PHRF1: variants seen among roughly 807,000 people sequenced by gnomAD.
PHRF1 encodes PHD and RING finger domain-containing protein 1.
A neutral mutation model predicts 128.9 loss-of-function variants in PHRF1; 53 were observed. The ratio of observed to expected loss-of-function variants is 0.41; its 90% CI spans 0.33 to 0.52. The LOEUF (loss-of-function observed/expected upper bound fraction) is 0.52, where lower values mean the gene tolerates loss of function less well. Ranked by LOEUF, PHRF1 falls within the 20% of genes least tolerant of loss-of-function variation. The probability of loss-of-function intolerance (pLI) is 0.21; values close to 1 mark genes in which losing one functional copy is unlikely to be tolerated. For missense variants in PHRF1, 2,503 were observed against 2,284.5 expected (o/e 1.10, Z -1.95); for synonymous variants, 1,178 against 980.6 (o/e 1.20, Z -3.76).
At position 610,310 on chromosome 11, in the gene PHRF1, T is replaced by C. The variant is rs1242726351; in HGVS notation, c.4379T>C (p.Leu1460Pro). 6.4e-7 allele frequency: 1 copy of C among 1,565,724 alleles called. No individual in the cohort carries two copies. Among genetic ancestry groups the C allele is most frequent in the Admixed American group, 1.9e-5 (1 of 53,684 alleles). Residue 1460 changes from leucine to proline, a missense_variant, in exon 15 of 18, where the codon CTT becomes CCT. Physicochemically the swap from Leu to Pro is moderately conservative, Grantham distance 98. Coordinates refer to ENST00000264555, the MANE Select transcript of PHRF1 (RefSeq NM_001286581.2). ...GAGCTGCCCTTTCCCAGTCACGTGC[T>C]TCCGGAACCCGGGTTCCCAGACACA... The part of the protein sequence containing the change: ...FSELPFPSHV[L>P]PEPGFPDTDP...
rs1855344298 is a variant in PHRF1 at position 597,293 on chromosome 11, C to T, written c.719-102C>T. The T allele has an allele frequency of 7.0e-7, 1 of 1,438,660 alleles. No homozygotes were observed. The highest frequency in any genetic ancestry group is 9.4e-7 in the Non-Finnish European group (1 of 1,065,544). The allele number at this position is 1,438,660 out of a possible 1,614,324, so 89.1% of individuals were successfully genotyped here. On this transcript the variant is annotated intron_variant, in intron 7 of 17. Transcript: ENST00000264555. This position sits in a 1 kb window ranked among gnomAD's most constrained non-coding sequence, Gnocchi z 6.5. ...GCCCTGGGTCCTGTGCACAGGTCAG[C>T]CCGAGCCAGGGCTGCTACTTGGCCG...
At position 607,565 on chromosome 11, in the gene PHRF1, C is replaced by G. The variant is rs765678910; in HGVS notation, c.2109C>G (p.Ser703Arg). 6.2e-7 allele frequency: 1 copy of G among 1,612,252 alleles called. No homozygotes were observed. The highest frequency in any genetic ancestry group is 8.5e-7 in the Non-Finnish European group (1 of 1,179,824). ...RRDAAPAHGQ[S>R]IEIPSACISR... ...ATGCGGCCCCGGCCCACGGGCAGAG[C>G]ATTGAGATCCCCAGTGCCTGCATCA... is the stretch of plus-strand genomic sequence containing the variant. Residue 703 changes from serine (S) to arginine (R), a missense_variant, in exon 14 of 18, where the codon AGC (serine) becomes AGG (arginine). Transcript: ENST00000264555.
chr11:598,467 C>A lies in PHRF1; in HGVS notation c.989C>A (p.Thr330Lys). 6.2e-7 allele frequency: 1 copy of A among 1,610,456 alleles called. No homozygotes were observed. Among genetic ancestry groups the A allele is most frequent in the Non-Finnish European group, 8.5e-7 (1 of 1,179,636 alleles). ...ACTGCCGTGTATCAGCGCCCCCTGA[C>A]GCCGCGCACTCCCGCCCGACGGAAG... ...LSTAVYQRPL[T>K]PRTPARRKRK... The change falls in exon 9 of 18, where the codon ACG becomes AAG. Residue 330 changes from threonine to lysine, a missense_variant. Coordinates refer to ENST00000264555, the MANE Select transcript of PHRF1 (RefSeq NM_001286581.2).
intron 13 of PHRF1, 105 bp from the exon 14 acceptor site, chr11:606,961 T>C (rs941437215): frequency 6.0e-6 from 9 of 1,491,228 alleles, no homozygotes; most frequent in Non-Finnish European, 7.1e-6. Flanking sequence ...GACAGGAGTT[T>C]AAAGCGCACG....
At chr11:591,140 G>A (rs991490742) in intron 4 of PHRF1, among the ~76,000 whole-genome samples, 1 of 152,148 alleles carries the variant, frequency 6.6e-6, no homozygotes, top group African/African-American at 2.4e-5. Context: ...TCCCTTTATT[G>A]TTCTTACTTG....
intron 3 of PHRF1, among the ~76,000 whole-genome samples, chr11:585,680 CTTTT>C (rs1212904400): frequency 9.9e-5 from 7 of 70,354 alleles, no homozygotes; most frequent in Admixed American, 2.9e-4. Context: ...CTCTTCAACT[CTTTT>C]TTTTTTTTTT....
chr11:592,790 T>C (rs577119584), intron 6 of PHRF1, 116 bp downstream of exon 6: 6 of 1,132,016 alleles, frequency 5.3e-6, no homozygotes, highest in East Asian at 4.8e-5. Context: ...CCTGGAGCTG[T>C]GCTCACCACC....
rs202085724 is a variant in PHRF1, at chr11:610,664, C to T, written c.4580C>T (p.Pro1527Leu). 1.2e-6 allele frequency: 2 copies of T among 1,604,090 alleles called. No individual in the cohort carries two copies. The highest frequency in any genetic ancestry group is 2.2e-5 in the East Asian group (1 of 44,878). The change falls in exon 16 of 18, where the codon CCA becomes CTA. Residue 1527 changes from proline to leucine, a missense_variant. Physicochemically the swap from Pro to Leu is moderately conservative, Grantham distance 98. Coordinates refer to ENST00000264555, the MANE Select transcript of PHRF1 (RefSeq NM_001286581.2). ...GCCCCAGTGCCCGCTGCCCTGACCC[C>T]AGCCTCAGAGCCAGCCAGTCAAGCC... The part of the protein sequence containing the change: ...TLAPVPAALT[P>L]ASEPASQATA...
chr11:607,719 T>C lies in PHRF1; in HGVS notation c.2263T>C (p.Ser755Pro). ...TGSSRPPAPS[S>P]HGSLAPLGPS... ...CAGCTCCCGGCCCCCAGCCCCCAGC[T>C]CCCATGGCAGTTTGGCCCCACTGGG... Residue 755 changes from serine to proline, a missense_variant, in exon 14 of 18, where the codon TCC (serine) becomes CCC (proline). Physicochemically the swap from Ser to Pro is moderately conservative, Grantham distance 74 (BLOSUM62 -1). Transcript: ENST00000264555. The C allele has an allele frequency of 6.2e-7, 1 of 1,611,486 alleles. No homozygotes were observed. Among genetic ancestry groups the C allele is most frequent in the Middle Eastern group, 1.7e-4 (1 of 6,052 alleles).
Position 605,010 on chromosome 11 carries a change from G to C in PHRF1, c.1153-109G>C, listed in dbSNP as rs950250775. On this transcript the variant is annotated intron_variant, in intron 10 of 17. Coordinates refer to ENST00000264555, the MANE Select transcript of PHRF1 (RefSeq NM_001286581.2). ...CATTGACTTTGGCTTAGTATTTTCCGGCTCTAGTGTTCACTGTTGCTGATG... is the reference window on the plus strand; with the variant it reads ...CATTGACTTTGGCTTAGTATTTTCCCGCTCTAGTGTTCACTGTTGCTGATG... 7 of 1,132,770 alleles carry C rather than the reference G, an allele frequency of 6.2e-6. No individual in the cohort carries two copies. The Admixed American group carries it at 1.6e-4, about 25-fold the overall frequency. The allele number at this position is 1,132,770 out of a possible 1,614,324, so 70.2% of individuals were successfully genotyped here.
intron 13 of PHRF1, 152 bp from the exon 14 acceptor site, chr11:606,914 C>T (rs879172133): frequency 4.7e-6 from 6 of 1,274,436 alleles, no homozygotes; most frequent in Admixed American, 2.8e-5. Context: ...AGCAGCTCTC[C>T]GGGTGTGGAA....
At chr11:582,277 T>C (rs1193545730) in intron 3 of PHRF1, among the ~76,000 whole-genome samples, 196 bp downstream of exon 3, 1 of 151,450 alleles carries the variant, frequency 6.6e-6, no homozygotes, top group Non-Finnish European at 1.5e-5. Flanking sequence ...TTTTTTTTTT[T>C]TTTTTGAGAC....
chr11:596,847 G>C, intron 6 of PHRF1, 76 bp from the exon 7 acceptor site: 1 of 1,331,196 alleles, frequency 7.5e-7, no homozygotes, highest in Non-Finnish European at 1.1e-6. Context: ...GGCCTGCTTT[G>C]TGGTCCCCTC....
chr11:607,174 C>T lies in PHRF1; in HGVS notation c.1718C>T (p.Pro573Leu), dbSNP rs751366941. 29 of 1,612,590 alleles carry T rather than the reference C, an allele frequency of 1.8e-5. No individual in the cohort carries two copies. Among genetic ancestry groups the T allele is most frequent in the East Asian group, 1.1e-4 (5 of 44,868 alleles). The stretch of plus-strand genomic sequence containing the variant: ...CCCTCCGGGAGCCCGGCCCAAGGCC[C>T]GTCAGGAAACAGGCCACAGAGCACA... ...ALPSGSPAQG[P>L]SGNRPQSTGL... The change falls in exon 14 of 18, where the codon CCG (proline) becomes CTG (leucine). Residue 573 changes from proline to leucine, a missense_variant. Pro to Leu is a moderately conservative substitution (Grantham distance 98, BLOSUM62 -3). Coordinates refer to ENST00000264555, the MANE Select transcript of PHRF1 (RefSeq NM_001286581.2).
chr11:609,888 T>C (rs12421158), intron 14 of PHRF1, among the ~76,000 whole-genome samples, 168 bp downstream of exon 14: 53,255 of 151,408 alleles, frequency 0.35, 10,816 homozygotes, highest in African/African-American at 0.56. Context: ...CCTGTGAATC[T>C]GACTCCTGTC....
intron 9 of PHRF1, among the ~76,000 whole-genome samples, chr11:600,493 AATATATATATATAT>A (rs35825045): frequency 2.2e-4 from 28 of 129,342 alleles, no homozygotes; most frequent in Admixed American, 2.1e-3. Context: ...TGTCTCCAAA[AATATATATATATAT>A]ATATATATAT....
In PHRF1 at chr11:609,108, A is replaced by G; in HGVS notation, c.3652A>G (p.Thr1218Ala). Residue 1218 changes from threonine (T) to alanine (A), a missense_variant, in exon 14 of 18, where the codon ACC becomes GCC. Transcript: ENST00000264555. Reference protein sequence around the residue: ...QGEPGREDLPTRLPALGEAHV... With the variant: ...QGEPGREDLPARLPALGEAHV... ...GGAGCCAGGGCGGGAAGACCTCCCC[A>G]CCAGGTTGCCAGCCTTGGGGGAAGC... The G allele has an allele frequency of 1.2e-6, 2 of 1,605,600 alleles. No individual in the cohort carries two copies. The highest frequency in any genetic ancestry group is 1.7e-6 in the Non-Finnish European group (2 of 1,177,328).
chr11:588,962 C>T (rs781409748), intron 4 of PHRF1, among the ~76,000 whole-genome samples: 7 of 151,740 alleles, frequency 4.6e-5, no homozygotes, highest in African/African-American at 7.3e-5. Context: ...ATGGTGAAAC[C>T]CTGTGTTTAC....
At chr11:601,747 C>A (rs749456343) in intron 10 of PHRF1, 46 bp downstream of exon 10, 1 of 1,610,340 alleles carries the variant, frequency 6.2e-7, no homozygotes, top group Non-Finnish European at 8.5e-7. Flanking sequence ...GGCCACAGCA[C>A]CCTCGCGTGG....
Sources: gnomAD v4.1 joint callset for allele counts (sites outside exome capture counted in the v4.1 genomes callset) on GRCh38, gnomAD v4.1.1 for gene constraint, Gnocchi (gnomAD v3.1) non-coding constraint, MANE v1.5 for transcripts, NCBI Gene and HGNC (gene_info 2026-07-23, HGNC 2026-07-21) for gene names.